Variants in DLG1 observed in about 807,000 individuals in gnomAD.
DLG1 encodes disks large homolog 1.
DLG1 carries 42 observed loss-of-function variants against 123.4 expected under a neutral mutation model. The observed-to-expected ratio is 0.34, with a 90% CI of 0.27 to 0.44. The LOEUF (loss-of-function observed/expected upper bound fraction) is 0.44. DLG1 is among the 20% of genes least tolerant of loss of function. The pLI is 1.00. For synonymous variants in DLG1, 317 were observed against 356.2 expected, an observed-to-expected ratio of 0.89 and a Z score of 1.24; for missense variants, 942 against 1,082.6, an observed-to-expected ratio of 0.87 and a Z score of 1.82.
chr3:197,065,521 C>T (rs544253863), intron 21 of DLG1, 73 bp from the exon 22 acceptor site: 3 of 1,335,272 alleles, frequency 2.2e-6, no homozygotes, highest in East Asian at 4.6e-5. Context: ...TTTCTACTTA[C>T]ATCGTTTTGT....
intron 4 of DLG1, among the ~76,000 whole-genome samples, chr3:197,236,578 G>A (rs1028176310): frequency 1.3e-5 from 2 of 152,188 alleles, no homozygotes; most frequent in Non-Finnish European, 2.9e-5. Context: ...TCAGCTCAGT[G>A]TTTATGGGAC....
At chr3:197,172,036 C>T (rs1804474697) in intron 5 of DLG1, among the ~76,000 whole-genome samples, 1 of 152,162 alleles carries the variant, frequency 6.6e-6, no homozygotes, top group Non-Finnish European at 1.5e-5. Context: ...CAAATACACA[C>T]ATTTTCTATT....
chr3:197,046,440 A>C (rs1723124131), intron 24 of DLG1, among the ~76,000 whole-genome samples: 1 of 152,230 alleles, frequency 6.6e-6, no homozygotes, highest in African/African-American at 2.4e-5. Context: ...GCACAAGTAG[A>C]CTTTGTAAAC....
At chr3:197,288,719 C>CAA (rs1214430122) in intron 3 of DLG1, among the ~76,000 whole-genome samples, 6 of 61,922 alleles carry the variant, frequency 9.7e-5, no homozygotes, top group African/African-American at 1.9e-4. Flanking sequence ...GAAACTGTCT[C>CAA]AAAAAAAAAA....
intron 4 of DLG1, among the ~76,000 whole-genome samples, chr3:197,226,510 T>C (rs1313326814): frequency 6.6e-6 from 1 of 152,178 alleles, no homozygotes; most frequent in Non-Finnish European, 1.5e-5. Context: ...CACTAAACAC[T>C]GTAGTCTGAT....
chr3:197,089,005 G>A (rs1756072088), intron 15 of DLG1, among the ~76,000 whole-genome samples: 1 of 152,156 alleles, frequency 6.6e-6, no homozygotes, highest in Non-Finnish European at 1.5e-5. Context: ...ACACAGAAAC[G>A]TTCTCATCTA....
chr3:197,297,999 C>G, intron 1 of DLG1: 2 of 888,746 alleles, frequency 2.3e-6, no homozygotes, highest in Non-Finnish European at 2.7e-6. Context: ...TCGGCCGCGC[C>G]GCCTCCTCGC....
chr3:197,149,911 A>G (rs1793045797), intron 5 of DLG1, 115 bp from the exon 6 acceptor site: 1 of 632,326 alleles, frequency 1.6e-6, no homozygotes, highest in African/African-American at 1.9e-5. Context: ...ATCTTATATG[A>G]GCTTTTTATA....
chr3:197,167,080 T>C lies in DLG1; in HGVS notation c.484-17284A>G, dbSNP rs146102491. ...AGAAGTTGGCTTGAAGGGCTGCCAC[T>C]GGCCAGACTGGGAACAATCTGTAAC... On this transcript the variant is annotated intron_variant, in intron 5 of 24. Coordinates refer to ENST00000667157, the MANE Select transcript of DLG1 (RefSeq NM_001366207.1). Among the ~76,000 whole-genome samples, 491 of 152,180 alleles carry C rather than the reference T, an allele frequency of 3.2e-3. 4 individuals carry two copies. Among genetic ancestry groups the C allele is most frequent in the South Asian group, 0.022 (105 of 4,810 alleles).
chr3:197,285,568 TAAG>T (rs1234829900), intron 3 of DLG1, among the ~76,000 whole-genome samples: 1 of 151,806 alleles, frequency 6.6e-6, no homozygotes, highest in Non-Finnish European at 1.5e-5. Flanking sequence ...GACTCAACAA[TAAG>T]AAGACAATCC....
At chr3:197,224,531 T>C (rs561483937) in intron 4 of DLG1, among the ~76,000 whole-genome samples, 4 of 152,312 alleles carry the variant, frequency 2.6e-5, no homozygotes, top group South Asian at 4.1e-4. Flanking sequence ...ATTTAAACAA[T>C]GCATATGAAT....
At chr3:197,259,557 A>T (rs1758426341) in intron 4 of DLG1, among the ~76,000 whole-genome samples, 1 of 152,218 alleles carries the variant, frequency 6.6e-6, no homozygotes, top group South Asian at 2.1e-4. Flanking sequence ...ATAGAAATAA[A>T]AAAAGGTAAA....
At chr3:197,233,752 T>G (rs1744511961) in intron 4 of DLG1, among the ~76,000 whole-genome samples, 1 of 152,212 alleles carries the variant, frequency 6.6e-6, no homozygotes, top group Non-Finnish European at 1.5e-5. Context: ...ACTCCTGACC[T>G]CAAGTGATCT....
At chr3:197,119,371 T>G (rs751278647) in intron 12 of DLG1, 39 bp downstream of exon 12, 1 of 1,517,662 alleles carries the variant, frequency 6.6e-7, no homozygotes, top group South Asian at 1.3e-5. Context: ...AATTTAATAG[T>G]TGATTTTATG....
At chr3:197,070,357 T>A (rs1484772310) in intron 18 of DLG1, 2 of 150,704 alleles carry the variant, frequency 1.3e-5, no homozygotes, top group Non-Finnish European at 3.0e-5. Context: ...TCTGTGATCC[T>A]CCCATCTTAG....
chr3:197,247,165 T>G (rs1752135700), intron 4 of DLG1, among the ~76,000 whole-genome samples: 1 of 151,956 alleles, frequency 6.6e-6, no homozygotes, highest in African/African-American at 2.4e-5. Context: ...GGAAAGAGAG[T>G]TGGAGTTGAT....
intron 11 of DLG1, among the ~76,000 whole-genome samples, chr3:197,122,992 T>G (rs983803579): frequency 6.6e-6 from 1 of 151,972 alleles, no homozygotes; most frequent in Admixed American, 6.6e-5. Context: ...AATAGTTCAA[T>G]GAAACAGAAG....
intron 4 of DLG1, among the ~76,000 whole-genome samples, chr3:197,275,128 G>A (rs539163846): frequency 6.4e-4 from 96 of 150,702 alleles, no homozygotes; most frequent in Non-Finnish European, 4.4e-5. Flanking sequence ...GGAGCTTGCA[G>A]TGAGCAAAGA....
intron 15 of DLG1, among the ~76,000 whole-genome samples, chr3:197,087,610 C>T (rs1755181083): frequency 6.6e-6 from 1 of 152,092 alleles, no homozygotes; most frequent in Non-Finnish European, 1.5e-5. Flanking sequence ...ACGAAAAATA[C>T]AAAAGAGAGA....
Sources: allele counts gnomAD v4.1 joint callset (sites outside exome capture counted in the v4.1 genomes callset), GRCh38; gene constraint gnomAD v4.1.1; transcripts MANE v1.5; gene names NCBI Gene and HGNC (gene_info 2026-07-23, HGNC 2026-07-21).